Variants in SERPINF1 observed in about 807,000 individuals in gnomAD.
SERPINF1 encodes serpin family F member 1, also known as pigment epithelium-derived factor.
SERPINF1 carries 29 observed loss-of-function variants against 37.3 expected under a neutral mutation model. The observed-to-expected ratio is 0.78, with a 90% CI of 0.58 to 1.06. The LOEUF (loss-of-function observed/expected upper bound fraction) is 1.06, where lower values mean the gene tolerates loss of function less well. Among genes scored for constraint, SERPINF1 ranks in the 50% least tolerant of loss-of-function variants. The probability of loss-of-function intolerance (pLI) is 0.00; values close to 1 mark genes in which losing one functional copy is unlikely to be tolerated. For missense variants in SERPINF1, 553 were observed against 532.2 expected, an observed-to-expected ratio of 1.04 and a Z score of -0.38; for synonymous variants, 281 against 227.9, an observed-to-expected ratio of 1.23 and a Z score of -2.10.
intron 5 of SERPINF1, among the ~76,000 whole-genome samples, chr17:1,774,756 C>T (rs1163808770): frequency 6.6e-6 from 1 of 152,186 alleles, no homozygotes; most frequent in Non-Finnish European, 1.5e-5. Flanking sequence ...GTTACCATGC[C>T]CGGCTACCAC....
At chr17:1,771,808 C>T in intron 4 of SERPINF1, 64 bp from the exon 5 acceptor site, 2 of 1,515,610 alleles carry the variant, frequency 1.3e-6, no homozygotes, top group Non-Finnish European at 1.8e-6. Context: ...GCCTGGCAGG[C>T]TCTCAAAGAC....
At chr17:1,764,834 ATTTTTTTTTCCTT>A (rs1907272072) in intron 1 of SERPINF1, among the ~76,000 whole-genome samples, 1 of 125,946 alleles carries the variant, frequency 7.9e-6, no homozygotes, top group African/African-American at 3.0e-5. Context: ...CAGATTCTAC[ATTTTTTTTTCCTT>A]TTTTTTTTTT....
intron 6 of SERPINF1, among the ~76,000 whole-genome samples, chr17:1,775,947 G>A (rs1047264505): frequency 1.3e-5 from 2 of 152,174 alleles, no homozygotes; most frequent in Non-Finnish European, 2.9e-5. Flanking sequence ...GGAATCTGAC[G>A]ACAGTGCCTC....
chr17:1,772,321 G>A (rs996254877), intron 5 of SERPINF1, among the ~76,000 whole-genome samples: 1 of 151,930 alleles, frequency 6.6e-6, no homozygotes, highest in African/African-American at 2.4e-5. Flanking sequence ...TCACCATGTT[G>A]GCCAGGCTGG....
At position 1,776,671 on chromosome 17, in the gene SERPINF1, A is replaced by T. The variant is rs1908051100; in HGVS notation, c.926A>T (p.Gln309Leu). The change falls in exon 7 of 8, where the codon CAG becomes CTG. Residue 309 changes from glutamine (Q) to leucine (L), a missense_variant. Coordinates refer to ENST00000254722, the MANE Select transcript of SERPINF1 (RefSeq NM_002615.7). Reference sequence around the variant, plus strand: ...ATAGACCGAGAACTGAAGACCGTGCAGGCGGTCCTCACTGTCCCCAAGCTG... The same window carrying T: ...ATAGACCGAGAACTGAAGACCGTGCTGGCGGTCCTCACTGTCCCCAAGCTG... ...HDIDRELKTV[Q>L]AVLTVPKLKL... The T allele has an allele frequency of 6.2e-7, 1 of 1,613,482 alleles. No individual in the cohort carries two copies. The highest frequency in any genetic ancestry group is 8.5e-7 in the Non-Finnish European group (1 of 1,179,742).
chr17:1,763,000 C>T (rs967350218), intron 1 of SERPINF1: 1 of 152,308 alleles, frequency 6.6e-6, no homozygotes, highest in Non-Finnish European at 1.5e-5. Context: ...GCAGGGAGTC[C>T]TATTCTTGGG....
chr17:1,771,255 T>A lies in SERPINF1; in HGVS notation c.439+71T>A, dbSNP rs1470542911. On this transcript the variant is annotated intron_variant, in intron 4 of 7. Transcript: ENST00000254722. ...ATGCTGCAGGCTGGGGGGGTCTTTT[T>A]TTTTTTTTTTTGAGACGGAGTCTCG... The A allele has an allele frequency of 4.9e-6, 7 of 1,435,586 alleles. No homozygotes were observed. The African/African-American group carries it at 8.9e-5, about 18-fold the overall frequency. The allele number at this position is 1,435,586 out of a possible 1,614,324, so 88.9% of individuals were successfully genotyped here.
chr17:1,769,796 C>T, intron 2 of SERPINF1, 56 bp from the exon 3 acceptor site: 1 of 1,579,068 alleles, frequency 6.3e-7, no homozygotes, highest in South Asian at 1.1e-5. Flanking sequence ...GAGACAGTCC[C>T]TGTGCATCTC....
At chr17:1,769,771 A>T in intron 2 of SERPINF1, 81 bp from the exon 3 acceptor site, 1 of 1,501,090 alleles carries the variant, frequency 6.7e-7, no homozygotes, top group Non-Finnish European at 9.3e-7. Flanking sequence ...CCACCACCCT[A>T]CACAAAGCCG....
In SERPINF1 at chr17:1,773,192, G is replaced by A. The variant is rs551611683; in HGVS notation, c.643+1117G>A. Among the ~76,000 whole-genome samples the A allele has an allele frequency of 2.6e-5, 4 of 152,304 alleles. No homozygotes were observed. The South Asian group carries it at 8.3e-4, about 32-fold the overall frequency. ...TGGAGACAGAAGAGCAGAGAGGGAG[G>A]AAGAATGAACACTGGGTCTGTTTGG... On this transcript the variant is annotated intron_variant, in intron 5 of 7. Coordinates refer to ENST00000254722, the MANE Select transcript of SERPINF1 (RefSeq NM_002615.7).
Position 1,766,987 on chromosome 17 carries a change from CGGA to C in SERPINF1, c.83_84+1del, listed in dbSNP as rs756465865. 7 of 1,553,936 alleles carry C rather than the reference CGGA, an allele frequency of 4.5e-6. No homozygotes were observed. In the African/African-American group the frequency reaches 9.5e-5, roughly 21 times the overall value. On this transcript the variant is annotated inframe_deletion, in exon 2 of 8. Transcript: ENST00000254722. ...AGCTGCCAGAACCCTGCCAGCCCCC[CGGA>C]GGAGGTCAGTAGGCAGGCGGGGAGG... is the stretch of plus-strand genomic sequence containing the variant.
intron 2 of SERPINF1, among the ~76,000 whole-genome samples, chr17:1,768,241 C>G (rs565138592): frequency 6.6e-6 from 1 of 151,974 alleles, no homozygotes; most frequent in East Asian, 2.0e-4. Context: ...ACCATCCTGG[C>G]TAACATGGTG....
At chr17:1,765,996 G>A (rs868293569) in intron 1 of SERPINF1, among the ~76,000 whole-genome samples, 1 of 152,294 alleles carries the variant, frequency 6.6e-6, no homozygotes, top group Non-Finnish European at 1.5e-5. Flanking sequence ...GCTGCCTTGT[G>A]AGGCCACAGA....
At chr17:1,771,827 T>C (rs1567755283) in intron 4 of SERPINF1, 45 bp from the exon 5 acceptor site, 2 of 1,581,982 alleles carry the variant, frequency 1.3e-6, no homozygotes, top group Non-Finnish European at 1.7e-6. Flanking sequence ...ACGGGATGCT[T>C]GTCGTCGAGT....
intron 1 of SERPINF1, among the ~76,000 whole-genome samples, chr17:1,763,456 G>T (rs1242660201): frequency 6.6e-6 from 1 of 152,218 alleles, no homozygotes; most frequent in Non-Finnish European, 1.5e-5. Flanking sequence ...CGAGAGCGGG[G>T]CTTGGATACT....
intron 6 of SERPINF1, among the ~76,000 whole-genome samples, chr17:1,776,098 G>A (rs1246989325): frequency 6.6e-6 from 1 of 152,154 alleles, no homozygotes; most frequent in Non-Finnish European, 1.5e-5. Context: ...CTTGGTGGGT[G>A]GATGGGGTGA....
chr17:1,770,860 A>G, intron 3 of SERPINF1, 169 bp from the exon 4 acceptor site: 2 of 834,474 alleles, frequency 2.4e-6, no homozygotes, highest in Non-Finnish European at 4.0e-6. Flanking sequence ...CTACTTCAGG[A>G]AAATCTCTAA....
At chr17:1,770,157 A>G in intron 3 of SERPINF1, 107 bp downstream of exon 3, 1 of 1,260,366 alleles carries the variant, frequency 7.9e-7, no homozygotes, top group Non-Finnish European at 1.1e-6. Flanking sequence ...CGAGGGGTGA[A>G]GTAGCACCAG....
intron 3 of SERPINF1, chr17:1,770,651 G>T (rs1264477426): frequency 1.0e-5 from 3 of 296,192 alleles, no homozygotes; most frequent in Non-Finnish European, 2.0e-5. Flanking sequence ...GTAGAGACGG[G>T]GTTTCACCAT....
Sources: gnomAD v4.1 joint callset for allele counts (sites outside exome capture counted in the v4.1 genomes callset) on GRCh38, gnomAD v4.1.1 for gene constraint, MANE v1.5 for transcripts, NCBI Gene and HGNC (gene_info 2026-07-23, HGNC 2026-07-21) for gene names.